Variants in MYO5C observed in about 807,000 individuals in gnomAD.
The protein encoded by MYO5C is myosin VC.
Under a neutral mutation model 235.7 loss-of-function variants are expected in MYO5C, and 194 were observed. The observed-to-expected ratio is 0.82, with a 90% confidence interval of 0.73 to 0.93. The LOEUF (loss-of-function observed/expected upper bound fraction) is 0.93, where lower values mean the gene tolerates loss of function less well. Ranked by LOEUF, MYO5C falls within the 40% of genes least tolerant of loss-of-function variation. The pLI, the probability that MYO5C is intolerant of heterozygous loss-of-function variation, is 0.00. For missense variants in MYO5C, 2,038 were observed against 2,127.2 expected (o/e 0.96, Z 0.82); for synonymous variants, 707 against 754.8 (o/e 0.94, Z 1.04).
intron 16 of MYO5C, among the ~76,000 whole-genome samples, chr15:52,246,278 A>G (rs1276873706): frequency 6.6e-6 from 1 of 152,222 alleles, no homozygotes; most frequent in Admixed American, 6.5e-5. Context: ...TGAGAAGGCC[A>G]TGGGGGAACT....
At chr15:52,219,708 G>T in intron 31 of MYO5C, 51 bp downstream of exon 31, 2 of 1,431,728 alleles carry the variant, frequency 1.4e-6, no homozygotes, top group South Asian at 1.2e-5. Context: ...TACAGTTTCA[G>T]AAAAGCATTA....
At chr15:52,259,158 C>T (rs1000378213) in intron 10 of MYO5C, among the ~76,000 whole-genome samples, 3 of 152,280 alleles carry the variant, frequency 2.0e-5, no homozygotes, top group East Asian at 3.9e-4. Context: ...CAGTGGCTCA[C>T]GCCTGTAATC....
chr15:52,290,528 G>C (rs567905282), intron 1 of MYO5C, among the ~76,000 whole-genome samples: 1 of 151,342 alleles, frequency 6.6e-6, no homozygotes, highest in Non-Finnish European at 1.5e-5. Context: ...AGTTCCTCTT[G>C]CACAAGTGAA....
intron 38 of MYO5C, among the ~76,000 whole-genome samples, chr15:52,198,889 T>TTTTTTG (rs1485062660): frequency 4.8e-5 from 7 of 145,018 alleles, no homozygotes; most frequent in African/African-American, 1.5e-4. Flanking sequence ...CTACTTTTAG[T>TTTTTTG]TTTTTGTTTT....
intron 31 of MYO5C, among the ~76,000 whole-genome samples, chr15:52,219,106 GCTCCTTTTCCA>G (rs113653836): frequency 0.016 from 2,435 of 152,274 alleles, 82 homozygotes; most frequent in African/African-American, 0.057. Context: ...ATGGTGCCTC[GCTCCTTTTCCA>G]CTACTTTGGG....
At chr15:52,275,419 G>A (rs2037020750) in intron 5 of MYO5C, 143 bp downstream of exon 5, 1 of 971,064 alleles carries the variant, frequency 1.0e-6, no homozygotes, top group Non-Finnish European at 1.5e-6. Flanking sequence ...AATCCCACCA[G>A]CAAATAGGCT....
intron 20 of MYO5C, among the ~76,000 whole-genome samples, chr15:52,241,050 G>A (rs1443767126): frequency 6.6e-6 from 1 of 152,160 alleles, no homozygotes; most frequent in Non-Finnish European, 1.5e-5. Context: ...ACCCTTTTCT[G>A]AGTCTAAAGC....
intron 36 of MYO5C, among the ~76,000 whole-genome samples, chr15:52,206,863 G>T (rs1051587520): frequency 1.3e-5 from 2 of 152,256 alleles, no homozygotes; most frequent in Non-Finnish European, 2.9e-5. Flanking sequence ...GCTGGGCGTG[G>T]TGGCTTACGC....
intron 40 of MYO5C, 104 bp downstream of exon 40, chr15:52,195,273 G>T: frequency 1.3e-6 from 1 of 777,538 alleles, no homozygotes; most frequent in Non-Finnish European, 2.0e-6. Flanking sequence ...GTATATGTGG[G>T]TAAATGTACT....
intron 21 of MYO5C, among the ~76,000 whole-genome samples, chr15:52,238,380 G>A (rs1319152788): frequency 1.3e-5 from 2 of 152,214 alleles, no homozygotes; most frequent in African/African-American, 4.8e-5. Context: ...TTCTGCACAA[G>A]CTGTGTAGCA....
At chr15:52,295,571 C>A in intron 1 of MYO5C, 39 bp downstream of exon 1, 2 of 1,499,286 alleles carry the variant, frequency 1.3e-6, no homozygotes, top group Non-Finnish European at 8.9e-7. Context: ...AGGGCCGGCT[C>A]CCCCACAGCG....
intron 12 of MYO5C, among the ~76,000 whole-genome samples, chr15:52,251,853 C>CG (rs1306290927): frequency 1.3e-5 from 2 of 151,840 alleles, no homozygotes; most frequent in African/African-American, 4.8e-5. Flanking sequence ...TTAGTAGAGA[C>CG]GGGGTTTCAC....
chr15:52,277,003 C>T, intron 4 of MYO5C: 1 of 433,788 alleles, frequency 2.3e-6, no homozygotes, highest in Non-Finnish European at 4.7e-6. Context: ...GTGACTTGAC[C>T]CAGAGCACAG....
intron 36 of MYO5C, among the ~76,000 whole-genome samples, chr15:52,206,614 A>G (rs1405886526): frequency 3.3e-5 from 5 of 152,154 alleles, no homozygotes; most frequent in African/African-American, 1.2e-4. Flanking sequence ...CTGTGAGGAC[A>G]CAGGGATGGA....
chr15:52,206,052 AAACTTAAT>A, intron 36 of MYO5C, 86 bp from the exon 37 acceptor site: 1 of 819,744 alleles, frequency 1.2e-6, no homozygotes, highest in Non-Finnish European at 1.8e-6. Flanking sequence ...TTTTACCTTA[AAACTTAAT>A]GTCTGATTTA....
chr15:52,248,606 A>ACTCT (rs751659794), intron 14 of MYO5C, 94 bp downstream of exon 14: 10 of 635,248 alleles, frequency 1.6e-5, no homozygotes, highest in Admixed American at 7.8e-5. Context: ...ACACACACAC[A>ACTCT]CTCTCTCTCT....
chr15:52,251,389 C>A lies in MYO5C; in HGVS notation c.1662+1G>T, dbSNP rs866291170. 1.3e-6 allele frequency: 2 copies of A among 1,593,656 alleles called. No homozygotes were observed. Among genetic ancestry groups the A allele is most frequent in the Non-Finnish European group, 1.7e-6 (2 of 1,168,358 alleles). ...AGCATTGATGGAGACCTTCACGGTA[C>A]CTTATCAGCAAAGTGCTGGATGACA... On this transcript the variant is annotated splice_donor_variant, in intron 13 of 40. Transcript: ENST00000261839. LOFTEE classifies it high-confidence loss of function.
rs1437279050 is a variant in MYO5C, at chr15:52,229,158, A to G, written c.3182T>C (p.Val1061Ala). Residue 1061 changes from valine (V) to alanine (A), a missense_variant, in exon 25 of 41, where the codon GTG becomes GCG. Transcript: ENST00000261839. The stretch of plus-strand genomic sequence containing the variant: ...CTTGACCTGCTTGCTCAGGCGGGCC[A>G]CTTCCGCCTTCAAGCCATCAGAAGT... Reference protein sequence around the residue: ...HVTSDGLKAEVARLSKQVKTI... With the variant: ...HVTSDGLKAEAARLSKQVKTI... The G allele has an allele frequency of 6.2e-7, 1 of 1,614,044 alleles. No individual in the cohort carries two copies. The highest frequency in any genetic ancestry group is 1.3e-5 in the African/African-American group (1 of 74,922).
chr15:52,247,312 CT>C (rs2036371519), intron 15 of MYO5C, 145 bp downstream of exon 15: 2 of 984,262 alleles, frequency 2.0e-6, no homozygotes, highest in African/African-American at 1.6e-5. Context: ...CGACGATGAA[CT>C]TTTTGCAGTG....
Sources: allele counts gnomAD v4.1 joint callset (sites outside exome capture counted in the v4.1 genomes callset), GRCh38; gene constraint gnomAD v4.1.1; transcripts MANE v1.5; gene names NCBI Gene and HGNC (gene_info 2026-07-23, HGNC 2026-07-21).